GPHN: variants seen among roughly 807,000 people sequenced by gnomAD.
GPHN encodes gephyrin.
GPHN carries 17 observed loss-of-function variants against 95.5 expected under a neutral mutation model. That is an observed-to-expected ratio of 0.18 (90% CI 0.12 to 0.27). The LOEUF is 0.27. Ranked by LOEUF, GPHN falls within the 10% of genes least tolerant of loss-of-function variation. GPHN has a pLI of 1.00. For missense variants in GPHN, 660 were observed against 978.1 expected, an observed-to-expected ratio of 0.67 and a Z score of 4.34; for synonymous variants, 320 against 322.5, an observed-to-expected ratio of 0.99 and a Z score of 0.08.
intron 4 of GPHN, among the ~76,000 whole-genome samples, chr14:66,857,614 G>C (rs1039191386): frequency 6.6e-6 from 1 of 152,072 alleles, no homozygotes; most frequent in Non-Finnish European, 1.5e-5. Flanking sequence ...CAAATAAAAG[G>C]CTCCACCAGT....
At chr14:66,511,273 A>G (rs1355981518) in intron 1 of GPHN, among the ~76,000 whole-genome samples, 1 of 152,142 alleles carries the variant, frequency 6.6e-6, no homozygotes, top group East Asian at 1.9e-4. Context: ...TTGCAGTTTT[A>G]CTATGTAGAA....
chr14:67,036,038 G>C (rs568673155), intron 10 of GPHN, among the ~76,000 whole-genome samples: 2 of 151,740 alleles, frequency 1.3e-5, no homozygotes, highest in Non-Finnish European at 3.0e-5. Flanking sequence ...CAGCCATGTG[G>C]GATTTATCCC....
At chr14:66,782,917 C>T (rs2059656640) in intron 3 of GPHN, among the ~76,000 whole-genome samples, 2 of 152,116 alleles carry the variant, frequency 1.3e-5, no homozygotes, top group Admixed American at 1.3e-4. Flanking sequence ...TACCTGGCTA[C>T]CTGGGAACCT....
chr14:67,218,490 A>G, the GPHN span, among the ~76,000 whole-genome samples: 1 of 152,164 alleles, frequency 6.6e-6, no homozygotes, highest in African/African-American at 2.4e-5. Context: ...ATGTGGATAC[A>G]GGGCTGCTTG....
At chr14:66,891,169 T>C (rs1205753913) in intron 5 of GPHN, among the ~76,000 whole-genome samples, 3 of 151,924 alleles carry the variant, frequency 2.0e-5, no homozygotes, top group African/African-American at 7.3e-5. Context: ...TGATTATATA[T>C]GTAGAAAACC....
chr14:66,639,883 G>A (rs1475610039), intron 1 of GPHN, among the ~76,000 whole-genome samples: 1 of 151,960 alleles, frequency 6.6e-6, no homozygotes, highest in Non-Finnish European at 1.5e-5. Flanking sequence ...CTTGCCATTG[G>A]GAGATTTTAT....
the GPHN span, among the ~76,000 whole-genome samples, chr14:67,290,107 G>A: frequency 6.6e-6 from 1 of 151,996 alleles, no homozygotes; most frequent in Non-Finnish European, 1.5e-5. Context: ...GACTGTATAA[G>A]TCCTTGTATG....
intron 2 of GPHN, among the ~76,000 whole-genome samples, chr14:66,731,833 C>T (rs2071793679): frequency 6.6e-6 from 1 of 152,172 alleles, no homozygotes; most frequent in Non-Finnish European, 1.5e-5. Context: ...GGGCTGGGCC[C>T]TGAGCCCCTC....
chr14:66,736,448 G>T (rs541115199), intron 2 of GPHN, among the ~76,000 whole-genome samples: 19 of 148,466 alleles, frequency 1.3e-4, no homozygotes, highest in Non-Finnish European at 2.5e-4. Flanking sequence ...GCCCGGGCTG[G>T]AGTGCAGTGG....
the GPHN span, chr14:67,592,885 A>G: frequency 2.0e-6 from 1 of 494,422 alleles, no homozygotes; most frequent in South Asian, 2.5e-5. Flanking sequence ...TCCCAGGTTC[A>G]AGCGATTCTC....
chr14:66,655,877 T>A (rs968992556), intron 1 of GPHN, among the ~76,000 whole-genome samples: 2 of 152,170 alleles, frequency 1.3e-5, no homozygotes, highest in Admixed American at 1.3e-4. Flanking sequence ...TTCTTCAAAC[T>A]GTTAATATGA....
chr14:66,642,262 C>G (rs902525066), intron 1 of GPHN, among the ~76,000 whole-genome samples: 1 of 152,034 alleles, frequency 6.6e-6, no homozygotes, highest in Non-Finnish European at 1.5e-5. Flanking sequence ...TCACATGAAC[C>G]CTTAAGAGCA....
At chr14:66,642,193 G>A (rs2064452291) in intron 1 of GPHN, among the ~76,000 whole-genome samples, 1 of 152,110 alleles carries the variant, frequency 6.6e-6, no homozygotes, top group African/African-American at 2.4e-5. Flanking sequence ...ATACAGTTAA[G>A]GTTACAGACA....
At chr14:66,527,620 C>G (rs1397621596) in intron 1 of GPHN, among the ~76,000 whole-genome samples, 1 of 152,120 alleles carries the variant, frequency 6.6e-6, no homozygotes, top group African/African-American at 2.4e-5. Context: ...ATAAATTTTG[C>G]TCTAAACAAT....
At chr14:67,398,560 C>G in the GPHN span, among the ~76,000 whole-genome samples, 3 of 138,084 alleles carry the variant, frequency 2.2e-5, no homozygotes, top group Non-Finnish European at 4.5e-5. Flanking sequence ...CTACCCTTCT[C>G]TTTATTCCTG....
intron 3 of GPHN, among the ~76,000 whole-genome samples, chr14:66,796,817 TA>T (rs1352849746): frequency 6.6e-6 from 1 of 152,050 alleles, no homozygotes; most frequent in Non-Finnish European, 1.5e-5. Flanking sequence ...AAAAGACATT[TA>T]ATGTGATATA....
the GPHN span, chr14:67,576,068 C>G: frequency 7.6e-7 from 1 of 1,315,886 alleles, no homozygotes; most frequent in Non-Finnish European, 1.1e-6. This position sits in a 1 kb window ranked among gnomAD's most constrained non-coding sequence, Gnocchi z 4.0. Context: ...CTTCCCTTCT[C>G]TCTTTCTCCT....
At chr14:67,599,990 C>T in the GPHN span, 1 of 1,528,760 alleles carries the variant, frequency 6.5e-7, no homozygotes, top group Non-Finnish European at 8.8e-7. Context: ...GAACCCCCTC[C>T]TTCGAGCGCG....
At chr14:67,293,075 TA>T in the GPHN span, among the ~76,000 whole-genome samples, 1 of 152,272 alleles carries the variant, frequency 6.6e-6, no homozygotes, top group East Asian at 1.9e-4. Context: ...ACTGATGAGA[TA>T]ATTATAACTG....
Sources: gnomAD v4.1 joint callset for allele counts (sites outside exome capture counted in the v4.1 genomes callset) on GRCh38, gnomAD v4.1.1 for gene constraint, Gnocchi (gnomAD v3.1) non-coding constraint, MANE v1.5 for transcripts, NCBI Gene and HGNC (gene_info 2026-07-23, HGNC 2026-07-21) for gene names.